The following DMD variants were observed in gnomAD, a reference collection of about 807,000 sequenced individuals.
The protein encoded by DMD is dystrophin.
In DMD, 63 loss-of-function variants were observed where a neutral mutation model predicts 330.1. The ratio of observed to expected loss-of-function variants is 0.19; its 90% CI spans 0.16 to 0.24. The LOEUF (loss-of-function observed/expected upper bound fraction) is 0.24. Ranked by LOEUF, DMD falls within the 10% of genes least tolerant of loss-of-function variation. The probability of loss-of-function intolerance (pLI) is 1.00; values close to 1 mark genes in which losing one functional copy is unlikely to be tolerated. For missense variants in DMD, 3,344 were observed against 2,684.1 expected, an observed-to-expected ratio of 1.25 and a Z score of -5.43; for synonymous variants, 1,223 against 959.8, an observed-to-expected ratio of 1.27 and a Z score of -5.07.
At chrX:31,897,760 T>G (rs1245420397) in intron 47 of DMD, among the ~76,000 whole-genome samples, 34 of 104,089 alleles carry the variant, frequency 3.3e-4, no homozygotes, top group South Asian at 4.6e-4. Context: ...GCCCACTTTT[T>G]GATGGGGTTG....
chrX:31,725,800 C>T (rs908631468), intron 52 of DMD, among the ~76,000 whole-genome samples: 2 of 111,904 alleles, frequency 1.8e-5, no homozygotes, highest in African/African-American at 6.5e-5. Flanking sequence ...GTTACAGGAA[C>T]GACATTCACC....
chrX:32,558,709 C>G lies in DMD; in HGVS notation c.1992+6993G>C, dbSNP rs755743787. Among the ~76,000 whole-genome samples the G allele has an allele frequency of 5.4e-5, 6 of 111,062 alleles. No individual in the cohort carries two copies. In the South Asian group the frequency reaches 2.2e-3, roughly 41 times the overall value. The stretch of plus-strand genomic sequence containing the variant: ...CACTATAGAAATCTGCCTAGCTTAC[C>G]TTTCCTTTAAATTTATAAATAAAGA... On this transcript the variant is annotated intron_variant, in intron 16 of 78. Transcript: ENST00000357033.
At chrX:32,465,160 C>A (rs1033496542) in intron 23 of DMD, among the ~76,000 whole-genome samples, 8 of 112,010 alleles carry the variant, frequency 7.1e-5, no homozygotes, top group African/African-American at 2.6e-4. Flanking sequence ...CAGTTGGGAA[C>A]TTTTGGACTA....
In DMD at chrX:31,841,982, A is replaced by G. The variant is rs2093326238; in HGVS notation, c.7099-5163T>C. Among the ~76,000 whole-genome samples the G allele has an allele frequency of 7.2e-5, 8 of 110,453 alleles. No individual in the cohort carries two copies. The Admixed American group carries it at 7.7e-4, about 11-fold the overall frequency. On this transcript the variant is annotated intron_variant, in intron 48 of 78. Coordinates refer to ENST00000357033, the MANE Select transcript of DMD (RefSeq NM_004006.3). Reference sequence around the variant, plus strand: ...TTTAAAAAGTACATTTTGTAAGGCTATAGCTGCCCTAGGTAGCGATTCCTC... The same window carrying G: ...TTTAAAAAGTACATTTTGTAAGGCTGTAGCTGCCCTAGGTAGCGATTCCTC...
chrX:33,308,760 G>A (rs1450595910), intron 1 of DMD, among the ~76,000 whole-genome samples: 1 of 111,374 alleles, frequency 9.0e-6, no homozygotes, highest in Non-Finnish European at 1.9e-5. Flanking sequence ...TTGAGGGAAG[G>A]TTCAACATAT....
chrX:31,185,134 T>G (rs1425407038), intron 67 of DMD, among the ~76,000 whole-genome samples: 1 of 110,805 alleles, frequency 9.0e-6, no homozygotes, highest in Non-Finnish European at 1.9e-5. Flanking sequence ...ATAAAAAAAA[T>G]AAAGATAATC....
rs143151731 is a variant in DMD, at chrX:32,619,019, A to G, written c.1332-4566T>C. 7.2e-3 allele frequency among the ~76,000 whole-genome samples: 808 copies of G among 111,649 alleles called. 11 individuals carry two copies. The highest frequency in any genetic ancestry group is 0.027 in the Admixed American group (280 of 10,477). ...AAGAAATATCTGCACTACCATTTTTATTGCAGCACTATTCATGGCCAAGAT... is the reference window on the plus strand; with the variant it reads ...AAGAAATATCTGCACTACCATTTTTGTTGCAGCACTATTCATGGCCAAGAT... On this transcript the variant is annotated intron_variant, in intron 11 of 78. Coordinates refer to ENST00000357033, the MANE Select transcript of DMD (RefSeq NM_004006.3).
chrX:31,354,999 C>T (rs1237199330), intron 60 of DMD, among the ~76,000 whole-genome samples: 1 of 111,740 alleles, frequency 8.9e-6, no homozygotes, highest in East Asian at 2.8e-4. Context: ...TGACTGTTTC[C>T]CAAAGCTCAG....
chrX:32,902,158 AACACACACACACACACACACACACACAC>A (rs774414536), intron 2 of DMD, among the ~76,000 whole-genome samples: 1 of 86,639 alleles, frequency 1.2e-5, no homozygotes, highest in Non-Finnish European at 2.2e-5. Context: ...CACACACACA[AACACACACACACACACACACACACACAC>A]ACACACACAC....
At chrX:31,650,128 T>TA (rs766793269) in intron 54 of DMD, among the ~76,000 whole-genome samples, 23 of 101,191 alleles carry the variant, frequency 2.3e-4, no homozygotes, top group East Asian at 1.3e-3. Flanking sequence ...TTTTTTTTTT[T>TA]ATGTTTTGTA....
intron 55 of DMD, among the ~76,000 whole-genome samples, chrX:31,584,129 G>A (rs1218130054): frequency 9.1e-6 from 1 of 109,417 alleles, no homozygotes; most frequent in Non-Finnish European, 1.9e-5. Context: ...TGGTGTATAT[G>A]TGCCACATTT....
At chrX:32,551,297 GAGCTTCTATCCCAGGGT>G (rs1279853733) in intron 16 of DMD, among the ~76,000 whole-genome samples, 1 of 111,031 alleles carries the variant, frequency 9.0e-6, no homozygotes, top group Non-Finnish European at 1.9e-5. Flanking sequence ...CATGATCAAG[GAGCTTCTATCCCAGGGT>G]TGCGAGGTTG....
In DMD at chrX:33,148,261, A is replaced by G. The variant is rs1211071776; in HGVS notation, c.31+63021T>C. Among the ~76,000 whole-genome samples the G allele has an allele frequency of 5.3e-5, 6 of 112,419 alleles. No homozygotes were observed. In the South Asian group the frequency reaches 1.8e-3, roughly 34 times the overall value. On this transcript the variant is annotated intron_variant, in intron 1 of 78. Transcript: ENST00000357033. ...CACAGTAAACTCCAAGAGACAATCA[A>G]TTCAATCTTACACACCTCCCTGCCA...
At chrX:31,421,904 C>CATATATATATATAT (rs1205689227) in intron 60 of DMD, among the ~76,000 whole-genome samples, 2 of 63,136 alleles carry the variant, frequency 3.2e-5, no homozygotes, top group African/African-American at 2.4e-4. Context: ...TATATATACA[C>CATATATATATATAT]ACACACACAC....
chrX:31,704,443 G>A (rs754725067), intron 52 of DMD, among the ~76,000 whole-genome samples: 43 of 111,488 alleles, frequency 3.9e-4, no homozygotes, highest in Non-Finnish European at 5.8e-4. Flanking sequence ...AAATTCTCCT[G>A]AAACAGAATT....
At chrX:31,377,852 A>G (rs1458413765) in intron 60 of DMD, among the ~76,000 whole-genome samples, 1 of 111,336 alleles carries the variant, frequency 9.0e-6, no homozygotes, top group Non-Finnish European at 1.9e-5. Context: ...AACTGATGAC[A>G]TTCCACCACA....
chrX:31,683,367 A>G (rs1041592885), intron 52 of DMD, among the ~76,000 whole-genome samples: 1 of 112,042 alleles, frequency 8.9e-6, no homozygotes, highest in African/African-American at 3.2e-5. Flanking sequence ...TAGTGGTGCT[A>G]TTCACTGCCT....
Position 32,380,601 on chromosome X carries a change from T to G in DMD, c.4754A>C (p.Glu1585Ala), listed in dbSNP as rs774725589. 1 of 1,209,990 alleles carries G rather than the reference T, an allele frequency of 8.3e-7. No individual in the cohort carries two copies. Among genetic ancestry groups the G allele is most frequent in the Non-Finnish European group, 1.1e-6 (1 of 894,350 alleles). ...TTCCATATCTGTAGCTGCCAGCCAT[T>G]CTGTCAAGACATTCATTTCCTTTCG... ...KMRKEMNVLT[E>A]WLAATDMELT... Residue 1585 changes from glutamate (E) to alanine (A), a missense_variant, in exon 34 of 79, where the codon GAA becomes GCA. By Grantham distance (107) the Glu-to-Ala change is moderately radical (BLOSUM62 -1). Transcript: ENST00000357033.
chrX:32,802,281 G>T (rs997160067), intron 7 of DMD, among the ~76,000 whole-genome samples: 1 of 111,464 alleles, frequency 9.0e-6, no homozygotes, highest in Non-Finnish European at 1.9e-5. Context: ...ATTGTAAATG[G>T]GAGTTCACTC....
Sources: allele counts gnomAD v4.1 joint callset (sites outside exome capture counted in the v4.1 genomes callset), GRCh38; gene constraint gnomAD v4.1.1; transcripts MANE v1.5; gene names NCBI Gene and HGNC (gene_info 2026-07-23, HGNC 2026-07-21).